SCN9A: variants seen among roughly 807,000 people sequenced by gnomAD.
The protein encoded by SCN9A is sodium voltage-gated channel alpha subunit 9.
In SCN9A, 131 loss-of-function variants were observed where a neutral mutation model predicts 187.0. That is an observed-to-expected ratio of 0.70 (90% confidence interval 0.61 to 0.81). The LOEUF is 0.81. Ranked by LOEUF, SCN9A falls within the 30% of genes least tolerant of loss-of-function variation. SCN9A has a pLI of 0.00. For missense variants in SCN9A, 2,252 were observed against 2,396.6 expected (o/e 0.94, Z 1.26); for synonymous variants, 809 against 808.6 (o/e 1.00, Z -0.01).
chr2:166,237,216 A>G (rs569671301), intron 20 of SCN9A, among the ~76,000 whole-genome samples: 22 of 151,530 alleles, frequency 1.5e-4, no homozygotes, highest in South Asian at 6.2e-4. Context: ...AAATAATTAG[A>G]GTACATTCAA....
intron 1 of SCN9A, among the ~76,000 whole-genome samples, chr2:166,365,488 C>G (rs920709093): frequency 2.6e-5 from 4 of 152,160 alleles, no homozygotes; most frequent in African/African-American, 9.7e-5. Context: ...TATCACGCAG[C>G]CCTCGACGCA....
At chr2:166,210,943 C>T (rs752925893) in intron 24 of SCN9A, among the ~76,000 whole-genome samples, 15 of 152,086 alleles carry the variant, frequency 9.9e-5, no homozygotes, top group Non-Finnish European at 1.8e-4. Flanking sequence ...TGCCTATAAT[C>T]CCAGCTACTC....
intron 24 of SCN9A, 175 bp from the exon 25 acceptor site, chr2:166,204,639 T>C (rs1693711418): frequency 2.5e-6 from 1 of 396,898 alleles, no homozygotes; most frequent in South Asian, 6.2e-5. Flanking sequence ...TGTAGAAACA[T>C]GGGTCTCCAA....
intron 26 of SCN9A, among the ~76,000 whole-genome samples, chr2:166,203,308 A>T (rs1332647778): frequency 2.0e-5 from 3 of 151,872 alleles, no homozygotes; most frequent in Non-Finnish European, 4.4e-5. Flanking sequence ...CAATCCTAAA[A>T]TACTTTGCAA....
rs1574961150 is a variant in SCN9A at position 166,357,249 on chromosome 2, CA to C, written c.-51+18447del. ...ACAGTACGGTATTTTATTTGTAAGA[CA>C]AATGCTTCAGAGTGAAATTGCTGAG... On this transcript the variant is annotated intron_variant, in intron 1 of 26. Transcript: ENST00000642356. Among the ~76,000 whole-genome samples, 6 of 152,272 alleles carry C rather than the reference CA, an allele frequency of 3.9e-5. No individual in the cohort carries two copies. The East Asian group carries it at 1.2e-3, about 29-fold the overall frequency.
chr2:166,229,915 G>C (rs1225524974), intron 21 of SCN9A, among the ~76,000 whole-genome samples: 2 of 152,094 alleles, frequency 1.3e-5, no homozygotes, highest in African/African-American at 4.8e-5. Flanking sequence ...ACCCATTCAA[G>C]TACAAATGTG....
At chr2:166,208,885 T>G (rs1693944670) in intron 24 of SCN9A, among the ~76,000 whole-genome samples, 1 of 152,234 alleles carries the variant, frequency 6.6e-6, no homozygotes, top group South Asian at 2.1e-4. Flanking sequence ...AAACAATTTA[T>G]CCATCCTTTC....
rs1485679402 is a variant in SCN9A at position 166,293,303 on chromosome 2, G to A, written c.1035C>T (p.Asp345=). 7 of 1,604,914 alleles carry A rather than the reference G, an allele frequency of 4.4e-6. No homozygotes were observed. In the Admixed American group the frequency reaches 1.2e-4, roughly 27 times the overall value. ...RNPDYGYTSF[D]TFSWAFLALF... Reference sequence around the variant, plus strand: ...AGGCTAAGAAGGCCCAGCTGAAAGTGTCAAAGCTCGTGTAGCCATAATCAG... The same window carrying A: ...AGGCTAAGAAGGCCCAGCTGAAAGTATCAAAGCTCGTGTAGCCATAATCAG... Residue 345 remains aspartate (D), a synonymous_variant, in exon 9 of 27, where the codon GAC becomes GAT. Coordinates refer to ENST00000642356, the MANE Select transcript of SCN9A (RefSeq NM_001365536.1).
intron 6 of SCN9A, chr2:166,303,990 A>C (rs762730738): frequency 6.3e-7 from 1 of 1,578,924 alleles, no homozygotes; most frequent in Middle Eastern, 1.7e-4. Context: ...TCTTTCTTTC[A>C]AAAGATCAAA....
At chr2:166,231,108 A>G (rs1243409237) in intron 21 of SCN9A, among the ~76,000 whole-genome samples, 1 of 152,246 alleles carries the variant, frequency 6.6e-6, no homozygotes, top group Non-Finnish European at 1.5e-5. Flanking sequence ...TGTAATACAG[A>G]TAAAGAACAA....
Position 166,272,675 on chromosome 2 carries a change from T to A in SCN9A, c.3075A>T (p.Arg1025Ser), listed in dbSNP as rs778873872. Residue 1025 changes from arginine to serine, a missense_variant, in exon 17 of 27, where the codon AGA (arginine) becomes AGT (serine). Transcript: ENST00000642356. ...TCTTAGTATTCAGATCTTCTGCTTG[T>A]CTTATCTCCCTGGAAATCTTTGGCT... ...SKKPKISREI[R>S]QAEDLNTKKE... 6.2e-6 allele frequency: 10 copies of A among 1,610,296 alleles called. No individual in the cohort carries two copies. The highest frequency in any genetic ancestry group is 8.5e-6 in the Non-Finnish European group (10 of 1,178,034).
intron 1 of SCN9A, among the ~76,000 whole-genome samples, chr2:166,374,918 TAA>T (rs537648288): frequency 1.3e-4 from 19 of 142,330 alleles, no homozygotes; most frequent in African/African-American, 4.8e-4. Flanking sequence ...CGCTCCAACT[TAA>T]AAAAAAAAAA....
intron 24 of SCN9A, among the ~76,000 whole-genome samples, chr2:166,209,822 G>T (rs1382114160): frequency 6.6e-6 from 1 of 152,052 alleles, no homozygotes; most frequent in Non-Finnish European, 1.5e-5. Flanking sequence ...TGCTGGAGAG[G>T]ATGTGGAGAA....
chr2:166,297,308 A>G (rs12477572), intron 7 of SCN9A, among the ~76,000 whole-genome samples: 13,040 of 151,484 alleles, frequency 0.086, 1,358 homozygotes, highest in African/African-American at 0.24. Flanking sequence ...AAACTTGTAC[A>G]TGAATGTTTA....
At chr2:166,216,293 G>T (rs1245269712) in intron 24 of SCN9A, among the ~76,000 whole-genome samples, 1 of 152,052 alleles carries the variant, frequency 6.6e-6, no homozygotes, top group Non-Finnish European at 1.5e-5. Context: ...AAACTGAAAA[G>T]TTGGGAGCTT....
chr2:166,336,668 A>C (rs759784688), intron 1 of SCN9A, among the ~76,000 whole-genome samples: 28 of 152,102 alleles, frequency 1.8e-4, no homozygotes, highest in Non-Finnish European at 3.7e-4. Flanking sequence ...AAACGGCCTG[A>C]GAGGCTGGCT....
chr2:166,265,867 A>G (rs1294661911), intron 17 of SCN9A, among the ~76,000 whole-genome samples: 2 of 151,934 alleles, frequency 1.3e-5, no homozygotes, highest in African/African-American at 2.4e-5. Context: ...TCTTCTTTTG[A>G]GAAATATCTA....
chr2:166,226,513 G>C, intron 24 of SCN9A, 54 bp downstream of exon 24: 6 of 1,211,836 alleles, frequency 5.0e-6, no homozygotes. Context: ...TATCTTTTTT[G>C]GAAAATAATT....
chr2:166,356,017 C>T (rs556871781), intron 1 of SCN9A, among the ~76,000 whole-genome samples: 27 of 152,194 alleles, frequency 1.8e-4, no homozygotes, highest in African/African-American at 5.3e-4. Flanking sequence ...GTGATCTGCC[C>T]GCCTTGGCCT....
Sources: gnomAD v4.1 joint callset for allele counts (sites outside exome capture counted in the v4.1 genomes callset) on GRCh38, gnomAD v4.1.1 for gene constraint, MANE v1.5 for transcripts, NCBI Gene and HGNC (gene_info 2026-07-23, HGNC 2026-07-21) for gene names.